Variants in ENTPD1 observed in about 807,000 individuals in gnomAD.
ENTPD1 encodes ectonucleoside triphosphate diphosphohydrolase 1, also known as ATP diphosphohydrolase.
In ENTPD1, 33 loss-of-function variants were observed where a neutral mutation model predicts 57.0. The observed-to-expected ratio is 0.58, with a 90% CI of 0.44 to 0.77. ENTPD1 has a LOEUF of 0.77. ENTPD1 is among the 30% of genes least tolerant of loss of function. The pLI is 0.00. For synonymous variants in ENTPD1, 202 were observed against 218.8 expected (o/e 0.92, Z 0.68); for missense variants, 501 against 603.4 (o/e 0.83, Z 1.78).
At chr10:95,696,981 G>T in the ENTPD1 span, among the ~76,000 whole-genome samples, 4 of 152,120 alleles carry the variant, frequency 2.6e-5, no homozygotes, top group African/African-American at 9.7e-5. Context: ...ACATGAACAT[G>T]CCCAGAATTG....
intron 1 of ENTPD1, among the ~76,000 whole-genome samples, chr10:95,718,370 T>C (rs1479455863): frequency 2.0e-5 from 3 of 152,040 alleles, no homozygotes; most frequent in Non-Finnish European, 4.4e-5. Context: ...GCATTTCTAA[T>C]GGAGGGGGTC....
chr10:95,866,028 G>A (rs554548849), intron 9 of ENTPD1, 149 bp from the exon 10 acceptor site: 3 of 1,137,480 alleles, frequency 2.6e-6, no homozygotes, highest in African/African-American at 1.5e-5. Context: ...GCCTCCCAAA[G>A]TGCTGAGATT....
chr10:95,812,530 A>G (rs1009439058), intron 1 of ENTPD1, among the ~76,000 whole-genome samples: 1 of 152,220 alleles, frequency 6.6e-6, no homozygotes, highest in African/African-American at 2.4e-5. Flanking sequence ...GCAATTATGA[A>G]TAAAGCAGTT....
chr10:95,823,451 T>G, intron 2 of ENTPD1, 87 bp downstream of exon 2: 1 of 1,596,066 alleles, frequency 6.3e-7, no homozygotes, highest in Non-Finnish European at 8.6e-7. Context: ...ATGTAGAGCA[T>G]AGGGGACGAG....
At position 95,845,466 on chromosome 10, in the gene ENTPD1, A is replaced by C; in HGVS notation, c.683A>C (p.Gln228Pro). The C allele has an allele frequency of 1.2e-6, 2 of 1,614,240 alleles. No homozygotes were observed. The highest frequency in any genetic ancestry group is 1.7e-6 in the Non-Finnish European group (2 of 1,180,050). The change falls in exon 6 of 10, where the codon CAG (glutamine) becomes CCG (proline). Residue 228 changes from glutamine (Q) to proline (P), a missense_variant. Coordinates refer to ENST00000371205, the MANE Select transcript of ENTPD1 (RefSeq NM_001776.6). ...STQVTFVPQN[Q>P]TIESPDNALQ... is the part of the protein sequence containing the mutation. The stretch of plus-strand genomic sequence containing the variant: ...CAAGTCACTTTTGTACCCCAAAACC[A>C]GACTATCGAGTCCCCAGATAATGCT...
At chr10:95,855,794 G>A (rs964497876) in intron 7 of ENTPD1, among the ~76,000 whole-genome samples, 22 of 152,322 alleles carry the variant, frequency 1.4e-4, no homozygotes, top group Non-Finnish European at 2.8e-4. Flanking sequence ...TAGAGTTTCT[G>A]CCAAAAGGTC....
intron 1 of ENTPD1, among the ~76,000 whole-genome samples, chr10:95,773,698 G>GTATA (rs1277997376): frequency 3.9e-5 from 6 of 152,168 alleles, no homozygotes; most frequent in African/African-American, 1.4e-4. Flanking sequence ...ATTCCGTGGT[G>GTATA]TATATGTGCC....
chr10:95,866,932 A>G lies in ENTPD1; in HGVS notation c.*549A>G, dbSNP rs1340641727. On this transcript the variant is annotated 3_prime_UTR_variant, in exon 10 of 10. Transcript: ENST00000371205. Reference sequence around the variant, plus strand: ...CAGTAGGCAAATATGTGCTAAAGCCAAAGAGTTTTATAAGGAAATATATGT... The same window carrying G: ...CAGTAGGCAAATATGTGCTAAAGCCGAAGAGTTTTATAAGGAAATATATGT... 4 of 1,013,672 alleles carry G rather than the reference A, an allele frequency of 3.9e-6. No homozygotes were observed. In the African/African-American group the frequency reaches 5.2e-5, roughly 13 times the overall value. 62.8% of individuals were successfully genotyped at this position (1,013,672 alleles called of 1,614,324 possible).
At chr10:95,833,355 A>G (rs2098401989) in intron 2 of ENTPD1, among the ~76,000 whole-genome samples, 1 of 152,236 alleles carries the variant, frequency 6.6e-6, no homozygotes, top group African/African-American at 2.4e-5. Context: ...AGTAACTCTA[A>G]TTAAAGAAAA....
intron 1 of ENTPD1, among the ~76,000 whole-genome samples, chr10:95,724,558 A>G (rs1282778421): frequency 1.3e-5 from 2 of 152,332 alleles, no homozygotes; most frequent in South Asian, 2.1e-4. Context: ...CATGGAACCC[A>G]GCGACTAGTG....
rs150050378 is a variant in ENTPD1 at position 95,873,835 on chromosome 10, T to C, written c.*7452T>C. The C allele has an allele frequency of 2.3e-4, 93 of 403,192 alleles. 1 individual carries two copies. In the East Asian group the frequency reaches 0.014, roughly 59 times the overall value. The allele number at this position is 403,192 out of a possible 1,614,324, so 25.0% of individuals were successfully genotyped here. A position where few individuals can be genotyped will look rare whatever the true frequency, so the allele number is the denominator to read the frequency against. The stretch of plus-strand genomic sequence containing the variant: ...TGGGAGGCAAAAGGTACTTCTTACG[T>C]GGTGGCATCAAGAGCAAAATGAGGA... On this transcript the variant is annotated 3_prime_UTR_variant, in exon 10 of 10. Transcript: ENST00000371205.
chr10:95,714,349 TAAA>T (rs1335375411), intron 1 of ENTPD1, among the ~76,000 whole-genome samples: 2 of 152,172 alleles, frequency 1.3e-5, no homozygotes, highest in South Asian at 4.1e-4. Context: ...CATAAATAAA[TAAA>T]TAAATAAACG....
At chr10:95,802,661 A>G (rs546676166) in intron 1 of ENTPD1, among the ~76,000 whole-genome samples, 359 of 152,166 alleles carry the variant, frequency 2.4e-3, no homozygotes, top group Non-Finnish European at 3.6e-3. Flanking sequence ...CCTGTGTCCA[A>G]GTGATCTCAT....
Position 95,756,394 on chromosome 10 carries a change from A to G in ENTPD1, c.16+139A>G, listed in dbSNP as rs1435106033. 3.1e-6 allele frequency: 3 copies of G among 972,088 alleles called. No individual in the cohort carries two copies. The African/African-American group carries it at 5.0e-5, about 16-fold the overall frequency. The allele number at this position is 972,088 out of a possible 1,614,324, so 60.2% of individuals were successfully genotyped here. Reference sequence around the variant, plus strand: ...GAACTTTCCCACCCTCTTCCTTCTGAGAGGAGGCAGAGAAAGAGCTTTGGG... The same window carrying G: ...GAACTTTCCCACCCTCTTCCTTCTGGGAGGAGGCAGAGAAAGAGCTTTGGG... On this transcript the variant is annotated intron_variant, in intron 1 of 9. Coordinates refer to ENST00000371205, the MANE Select transcript of ENTPD1 (RefSeq NM_001776.6).
intron 1 of ENTPD1, among the ~76,000 whole-genome samples, chr10:95,734,262 A>G (rs2097992174): frequency 1.3e-5 from 2 of 152,236 alleles, no homozygotes; most frequent in African/African-American, 4.8e-5. Context: ...AGAGGACTCC[A>G]GTAATGACAG....
At chr10:95,710,411 T>A (rs187374895), upstream of ENTPD1, among the ~76,000 whole-genome samples, 8 of 152,078 alleles carry the variant, frequency 5.3e-5, no homozygotes, top group South Asian at 4.2e-4. Flanking sequence ...TTAAAAAAAA[T>A]TTTTTTTAAT....
At chr10:95,723,592 T>C (rs2097980178) in intron 1 of ENTPD1, among the ~76,000 whole-genome samples, 1 of 152,102 alleles carries the variant, frequency 6.6e-6, no homozygotes, top group South Asian at 2.1e-4. Flanking sequence ...GGAAGTAGAT[T>C]CAGAGGTAAG....
intron 1 of ENTPD1, among the ~76,000 whole-genome samples, chr10:95,765,837 T>C (rs754284867): frequency 3.3e-5 from 5 of 152,204 alleles, no homozygotes; most frequent in African/African-American, 1.2e-4. Flanking sequence ...TTTCTGTGTA[T>C]GTAGGTCTTA....
At chr10:95,807,319 G>A (rs951396674) in intron 1 of ENTPD1, among the ~76,000 whole-genome samples, 19 of 152,246 alleles carry the variant, frequency 1.2e-4, no homozygotes, top group African/African-American at 4.3e-4. Context: ...GCCAAGCCAG[G>A]CACGGGAGAG....
Sources: gnomAD v4.1 joint callset for allele counts (sites outside exome capture counted in the v4.1 genomes callset) on GRCh38, gnomAD v4.1.1 for gene constraint, MANE v1.5 for transcripts, NCBI Gene and HGNC (gene_info 2026-07-23, HGNC 2026-07-21) for gene names.